ADAM32: variants seen among roughly 807,000 people sequenced by gnomAD.
ADAM32 encodes the protein ADAM metallopeptidase domain 32.
ADAM32 carries 89 observed loss-of-function variants against 114.9 expected under a neutral mutation model. That is an observed-to-expected ratio of 0.77 (90% CI 0.65 to 0.92). ADAM32 has a LOEUF of 0.92. Ranked by LOEUF, ADAM32 falls within the 40% of genes least tolerant of loss-of-function variation. The probability of loss-of-function intolerance (pLI) is 0.00; values close to 1 mark genes in which losing one functional copy is unlikely to be tolerated. For missense variants in ADAM32, 870 were observed against 932.8 expected, an observed-to-expected ratio of 0.93 and a Z score of 0.88; for synonymous variants, 285 against 307.5, an observed-to-expected ratio of 0.93 and a Z score of 0.77.
intron 2 of ADAM32, among the ~76,000 whole-genome samples, chr8:39,126,902 C>A (rs942588136): frequency 2.0e-5 from 3 of 152,226 alleles, no homozygotes; most frequent in Middle Eastern, 3.4e-3. Context: ...TTATCAAAGG[C>A]CTTTTCTGCA....
intron 3 of ADAM32, among the ~76,000 whole-genome samples, chr8:39,143,530 C>T (rs758169103): frequency 6.6e-6 from 1 of 152,170 alleles, no homozygotes; most frequent in Non-Finnish European, 1.5e-5. Context: ...CTGGGTATCA[C>T]CAGTGGAGGC....
At position 39,254,452 on chromosome 8, in the gene ADAM32, C is replaced by A. The variant is rs1272838586; in HGVS notation, c.1941C>A (p.Gly647=). ...DSRNKCHCSP[G]YKPPNCQIRS... ...GAAACAAGTGCCATTGTTCGCCAGG[C>A]TATAAGCCTCCAAACTGCCAAATAC... Residue 647 remains glycine, a synonymous_variant, in exon 18 of 25, where the codon GGC becomes GGA. Coordinates refer to ENST00000379907, the MANE Select transcript of ADAM32 (RefSeq NM_145004.7). The A allele has an allele frequency of 1.9e-6, 3 of 1,602,540 alleles. No individual in the cohort carries two copies. Among genetic ancestry groups the A allele is most frequent in the South Asian group, 2.3e-5 (2 of 88,590 alleles).
At chr8:39,109,534 C>G (rs2129443914) in intron 1 of ADAM32, among the ~76,000 whole-genome samples, 1 of 151,688 alleles carries the variant, frequency 6.6e-6, no homozygotes, top group Non-Finnish European at 1.5e-5. Context: ...GTGACAAGAG[C>G]AAAACTCCAT....
chr8:39,173,130 C>T (rs1292635725), intron 10 of ADAM32, among the ~76,000 whole-genome samples: 2 of 152,150 alleles, frequency 1.3e-5, no homozygotes, highest in African/African-American at 4.8e-5. Context: ...TGGTGGCAGG[C>T]ACCTGTAATC....
chr8:39,203,761 G>A lies in ADAM32; in HGVS notation c.1053-7383G>A, dbSNP rs534608922. Among the ~76,000 whole-genome samples the A allele has an allele frequency of 7.2e-5, 11 of 152,290 alleles. No homozygotes were observed. In the East Asian group the frequency reaches 1.7e-3, roughly 24 times the overall value. On this transcript the variant is annotated intron_variant, in intron 11 of 24. Coordinates refer to ENST00000379907, the MANE Select transcript of ADAM32 (RefSeq NM_145004.7). ...TTACAATTTGTCATGTTTTTGCAGT[G>A]GCTGGTACTGATTGTTCCTTTCCAT...
At chr8:39,206,682 GC>G (rs1807858489) in intron 11 of ADAM32, among the ~76,000 whole-genome samples, 2 of 152,308 alleles carry the variant, frequency 1.3e-5, no homozygotes, top group South Asian at 4.1e-4. Flanking sequence ...CATTTCCTGG[GC>G]TATAGACACT....
intron 10 of ADAM32, among the ~76,000 whole-genome samples, chr8:39,186,511 T>A (rs1001445302): frequency 3.3e-5 from 5 of 152,202 alleles, no homozygotes; most frequent in African/African-American, 4.8e-5. Context: ...GGCCATTTCA[T>A]GAGCTGGGGG....
intron 11 of ADAM32, among the ~76,000 whole-genome samples, chr8:39,209,802 C>T (rs1049920411): frequency 6.6e-6 from 1 of 152,146 alleles, no homozygotes; most frequent in Admixed American, 6.6e-5. Flanking sequence ...AGCCCAAAGT[C>T]TCTTGCTCAC....
At chr8:39,118,984 TATATAAATGGCAG>T in intron 2 of ADAM32, among the ~76,000 whole-genome samples, 2 of 152,360 alleles carry the variant, frequency 1.3e-5, no homozygotes, top group South Asian at 4.1e-4. Flanking sequence ...AGGGGCATTT[TATATAAATGGCAG>T]CATGCAATAT....
intron 9 of ADAM32, chr8:39,167,935 TC>T (rs1024904801): frequency 6.6e-6 from 1 of 152,172 alleles, no homozygotes; most frequent in African/African-American, 2.4e-5. Context: ...CTAGGAGCTT[TC>T]TGGAGGAGTC....
intron 3 of ADAM32, among the ~76,000 whole-genome samples, chr8:39,139,166 G>A (rs932261671): frequency 6.6e-6 from 1 of 152,158 alleles, no homozygotes; most frequent in East Asian, 1.9e-4. Flanking sequence ...GTGTGCAGAA[G>A]CTCTTTAGTT....
intron 10 of ADAM32, among the ~76,000 whole-genome samples, chr8:39,175,116 A>G (rs1805443136): frequency 6.6e-6 from 1 of 152,210 alleles, no homozygotes; most frequent in African/African-American, 2.4e-5. Context: ...GTATAGGATC[A>G]TGTCATCTGC....
chr8:39,189,579 C>T (rs1806468220), intron 11 of ADAM32, among the ~76,000 whole-genome samples: 1 of 152,032 alleles, frequency 6.6e-6, no homozygotes, highest in Non-Finnish European at 1.5e-5. Flanking sequence ...TTTAGAATAT[C>T]CGTCCTCTCA....
Position 39,211,329 on chromosome 8 carries a change from G to A in ADAM32, c.1233+5G>A. On this transcript the variant is annotated splice_donor_5th_base_variant and intron_variant, in intron 12 of 24. Transcript: ENST00000379907. ...TGTGATTGTGGTACTGAGGCTGTAA[G>A]TATGATAACTAGGAAAATTGATTAA... 1 of 1,477,548 alleles carries A rather than the reference G, an allele frequency of 6.8e-7. No homozygotes were observed. Among genetic ancestry groups the A allele is most frequent in the African/African-American group, 1.4e-5 (1 of 69,202 alleles). 91.5% of individuals were successfully genotyped at this position (1,477,548 alleles called of 1,614,324 possible).
At chr8:39,231,906 A>G (rs992925107) in intron 14 of ADAM32, 121 bp from the exon 15 acceptor site, 5 of 800,282 alleles carry the variant, frequency 6.2e-6, no homozygotes, top group African/African-American at 1.8e-5. Context: ...TTACAACCTC[A>G]CTAGGAAAAA....
chr8:39,124,363 T>G (rs957837626), intron 2 of ADAM32, among the ~76,000 whole-genome samples: 4 of 152,110 alleles, frequency 2.6e-5, no homozygotes, highest in Non-Finnish European at 5.9e-5. Flanking sequence ...TCTTGTTCCT[T>G]TTTATGACTG....
chr8:39,258,420 C>A (rs1463645910), intron 19 of ADAM32, among the ~76,000 whole-genome samples: 1 of 151,708 alleles, frequency 6.6e-6, no homozygotes, highest in Non-Finnish European at 1.5e-5. Flanking sequence ...CCTTTATACT[C>A]TCCAGTTTTT....
chr8:39,222,063 T>C (rs1258955507), intron 13 of ADAM32, among the ~76,000 whole-genome samples: 1 of 152,014 alleles, frequency 6.6e-6, no homozygotes, highest in Non-Finnish European at 1.5e-5. Context: ...TTATGTGTAA[T>C]TGAAAGATAT....
intron 16 of ADAM32, among the ~76,000 whole-genome samples, chr8:39,235,029 C>T (rs963377758): frequency 3.3e-5 from 5 of 152,084 alleles, no homozygotes; most frequent in African/African-American, 1.2e-4. Context: ...CTCTTCATTC[C>T]TGTGTCCTGT....
Sources: allele counts gnomAD v4.1 joint callset (sites outside exome capture counted in the v4.1 genomes callset), GRCh38; gene constraint gnomAD v4.1.1; transcripts MANE v1.5; gene names NCBI Gene and HGNC (gene_info 2026-07-23, HGNC 2026-07-21).